The following HMX1 variants were observed in gnomAD, a reference collection of about 807,000 sequenced individuals.
The protein encoded by HMX1 is H6 family homeobox 1, also known as homeobox protein HMX1.
A neutral mutation model predicts 8.9 loss-of-function variants in HMX1; 8 were observed. That is an observed-to-expected ratio of 0.90 (90% CI 0.53 to 1.63). HMX1 has a LOEUF of 1.63. Ranked by LOEUF, HMX1 falls within the 40% of genes most tolerant of loss-of-function variation. The probability of loss-of-function intolerance (pLI) is 0.00; values close to 1 mark genes in which losing one functional copy is unlikely to be tolerated. For synonymous variants in HMX1, 311 were observed against 283.4 expected (o/e 1.10, Z -0.98); for missense variants, 621 against 558.5 (o/e 1.11, Z -1.13).
Position 8,868,163 on chromosome 4 carries a change from G to T in HMX1, c.577C>A (p.Arg193Ser). Residue 193 changes from arginine (R) to serine (S), a missense_variant, in exon 2 of 2, where the codon CGC becomes AGC. Arg to Ser is a moderately radical substitution (Grantham distance 110). Coordinates refer to ENST00000400677, the MANE Select transcript of HMX1 (RefSeq NM_018942.3). This position sits in a 1 kb window ranked among gnomAD's most constrained non-coding sequence, Gnocchi z 4.6. The part of the protein sequence containing the change: ...AEVPAAAGET[R>S]GGVGVGGGRK... Reference sequence around the variant, plus strand: ...CCGCCGCCCACGCCAACGCCGCCGCGTGTCTCCCCAGCCGCCGCAGGGACC... The same window carrying T: ...CCGCCGCCCACGCCAACGCCGCCGCTTGTCTCCCCAGCCGCCGCAGGGACC... 6 of 1,501,872 alleles carry T rather than the reference G, an allele frequency of 4.0e-6. No homozygotes were observed. Among genetic ancestry groups the T allele is most frequent in the East Asian group, 5.4e-5 (2 of 37,128 alleles). 93.0% of individuals were successfully genotyped at this position (1,501,872 alleles called of 1,614,324 possible). A position where few individuals can be genotyped will look rare whatever the true frequency, so the allele number is the denominator to read the frequency against.
At chr4:8,857,344 T>C (rs966777404) in intron 1 of HMX1, among the ~76,000 whole-genome samples, 5 of 152,116 alleles carry the variant, frequency 3.3e-5, no homozygotes, top group South Asian at 2.1e-4. Flanking sequence ...GGCCTTCCCC[T>C]GGAGTGGCAT....
downstream of HMX1, among the ~76,000 whole-genome samples, chr4:8,862,611 A>G (rs780088163): frequency 1.1e-4 from 17 of 152,222 alleles, no homozygotes; most frequent in Non-Finnish European, 2.2e-4. Flanking sequence ...TTTTTTTAAA[A>G]TAACAATACG....
At position 8,871,492 on chromosome 4, in the gene HMX1, G is replaced by A; in HGVS notation, c.123C>T (p.Ser41=). The A allele has an allele frequency of 7.5e-7, 1 of 1,338,698 alleles. No individual in the cohort carries two copies. 82.9% of individuals were successfully genotyped at this position (1,338,698 alleles called of 1,614,324 possible). Reference sequence around the variant, plus strand: ...CGTCGTCCTCCTCCTCGTCCTCCCGGCTGCCGTCGCCCTGGGTCGCGCGCC... The same window carrying A: ...CGTCGTCCTCCTCCTCGTCCTCCCGACTGCCGTCGCCCTGGGTCGCGCGCC... ...GAGRATQGDG[S]REDEEEDDDD... Residue 41 remains serine, a synonymous_variant, in exon 1 of 2, where the codon AGC becomes AGT. Coordinates refer to ENST00000400677, the MANE Select transcript of HMX1 (RefSeq NM_018942.3). The surrounding 1 kb of genome is among the most constrained non-coding windows in gnomAD (Gnocchi z 4.8).
chr4:8,847,454 C>T lies in HMX1; in HGVS notation c.395-1130G>A, dbSNP rs185371350. Among the ~76,000 whole-genome samples the T allele has an allele frequency of 1.0e-3, 156 of 152,252 alleles. 1 individual carries two copies. The highest frequency in any genetic ancestry group is 1.4e-3 in the Non-Finnish European group (98 of 68,028). On this transcript the variant is annotated intron_variant, in intron 1 of 1. Coordinates refer to the HMX1 transcript ENST00000506970. This position sits in a 1 kb window ranked among gnomAD's most constrained non-coding sequence, Gnocchi z 6.0. The stretch of plus-strand genomic sequence containing the variant: ...CATCTGCAAAGAGCTATTTCTGTAA[C>T]GGGATGCCGCCAACAGACGGAAGCC...
chr4:8,871,828 G>C lies in HMX1; in HGVS notation c.-214C>G. On this transcript the variant is annotated 5_prime_UTR_variant, in exon 1 of 2. Transcript: ENST00000400677. This position sits in a 1 kb window ranked among gnomAD's most constrained non-coding sequence, Gnocchi z 4.8. ...CCGACAGCTGATCGGGCAGCCGCCT[G>C]GCTCGCCTTTCAGGTCGCCGTTCTG... The C allele has an allele frequency of 3.9e-6, 2 of 515,296 alleles. No homozygotes were observed. Among genetic ancestry groups the C allele is most frequent in the Non-Finnish European group, 5.0e-6 (2 of 399,750 alleles). The allele number at this position is 515,296 out of a possible 1,614,324, so 31.9% of individuals were successfully genotyped here.
chr4:8,867,058 G>A lies in HMX1; in HGVS notation c.*635C>T. On this transcript the variant is annotated 3_prime_UTR_variant, in exon 2 of 2. Coordinates refer to ENST00000400677, the MANE Select transcript of HMX1 (RefSeq NM_018942.3). ...AAAGCAGTGAAACTGTCCAGAAAATGTCCCTTTTTATTCCATACGCAAATA... is the reference window on the plus strand; with the variant it reads ...AAAGCAGTGAAACTGTCCAGAAAATATCCCTTTTTATTCCATACGCAAATA... 2 of 984,628 alleles carry A rather than the reference G, an allele frequency of 2.0e-6. No individual in the cohort carries two copies. The highest frequency in any genetic ancestry group is 1.2e-6 in the Non-Finnish European group (1 of 829,196). The allele number at this position is 984,628 out of a possible 1,614,324, so 61.0% of individuals were successfully genotyped here.
intron 1 of HMX1, among the ~76,000 whole-genome samples, chr4:8,859,590 T>G (rs957990152): frequency 4.0e-5 from 6 of 151,878 alleles, no homozygotes; most frequent in African/African-American, 1.5e-4. Flanking sequence ...GCTGACACCC[T>G]CCCCCACTCA....
intron 1 of HMX1, among the ~76,000 whole-genome samples, chr4:8,857,631 G>A (rs1199340249): frequency 6.6e-6 from 1 of 152,118 alleles, no homozygotes; most frequent in African/African-American, 2.4e-5. Flanking sequence ...GCCTCTCTGC[G>A]AGCACGCAGG....
chr4:8,860,143 G>A (rs1400815041), intron 1 of HMX1, among the ~76,000 whole-genome samples: 2 of 152,238 alleles, frequency 1.3e-5, no homozygotes. Context: ...GGACACCCCC[G>A]GGTGCGCGCG....
At chr4:8,865,887 C>A (rs1721981465), downstream of HMX1, among the ~76,000 whole-genome samples, 1 of 152,226 alleles carries the variant, frequency 6.6e-6, no homozygotes, top group Non-Finnish European at 1.5e-5. Flanking sequence ...CGGACACAAG[C>A]CTGGGAAGGG....
rs1438633678 is a variant in HMX1 at position 8,870,185 on chromosome 4, A to ACGTCCT, written c.394+1030_394+1035dup. On this transcript the variant is annotated intron_variant, in intron 1 of 1. Coordinates refer to ENST00000400677, the MANE Select transcript of HMX1 (RefSeq NM_018942.3). This position sits in a 1 kb window ranked among gnomAD's most constrained non-coding sequence, Gnocchi z 4.4. ...CAGAGCCGGAGCCTGCAGAGGGCCC[A>ACGTCCT]CGTCCTCAGCTGGCCTCAAGGTCCA... 2.7e-5 allele frequency among the ~76,000 whole-genome samples: 4 copies of ACGTCCT among 150,626 alleles called. No homozygotes were observed. Among genetic ancestry groups the ACGTCCT allele is most frequent in the Non-Finnish European group, 5.9e-5 (4 of 67,734 alleles).
intron 1 of HMX1, among the ~76,000 whole-genome samples, chr4:8,855,617 T>A (rs1040665132): frequency 3.9e-5 from 6 of 152,050 alleles, no homozygotes; most frequent in Non-Finnish European, 7.4e-5. Flanking sequence ...CTTAGCAAGG[T>A]CAAGGATTCA....
At chr4:8,852,574 C>G (rs189874302) in intron 1 of HMX1, among the ~76,000 whole-genome samples, 1 of 152,194 alleles carries the variant, frequency 6.6e-6, no homozygotes, top group African/African-American at 2.4e-5. Flanking sequence ...GGGAACTGGA[C>G]GCATCCCACC....
chr4:8,854,332 T>C (rs887636247), intron 1 of HMX1, among the ~76,000 whole-genome samples: 1 of 152,238 alleles, frequency 6.6e-6, no homozygotes, highest in Non-Finnish European at 1.5e-5. Flanking sequence ...CTGAATGGGA[T>C]GAAGAGCCTG....
downstream of HMX1, among the ~76,000 whole-genome samples, chr4:8,865,905 G>A (rs1374885620): frequency 6.6e-6 from 1 of 152,214 alleles, no homozygotes; most frequent in African/African-American, 2.4e-5. Flanking sequence ...GGGCTGGAGG[G>A]GGCCCAGGCA....
chr4:8,863,606 G>A (rs1042453130), downstream of HMX1, among the ~76,000 whole-genome samples: 1 of 152,034 alleles, frequency 6.6e-6, no homozygotes, highest in African/African-American at 2.4e-5. Context: ...GTTCGGGAGT[G>A]CAAAGGCCAA....
Position 8,868,465 on chromosome 4 carries a change from C to T in HMX1, c.395-120G>A, listed in dbSNP as rs1017487015. On this transcript the variant is annotated intron_variant, in intron 1 of 1. Transcript: ENST00000400677. The surrounding 1 kb of genome is among the most constrained non-coding windows in gnomAD (Gnocchi z 4.6). ...AGCCACAAGCAGGAAGACCTTCCAG[C>T]ACAGGGCTGGGCACCCAGCAGCTCT... 1.4e-5 allele frequency: 11 copies of T among 805,600 alleles called. No individual in the cohort carries two copies. Among genetic ancestry groups the T allele is most frequent in the Non-Finnish European group, 1.7e-5 (10 of 591,918 alleles). 49.9% of individuals were successfully genotyped at this position (805,600 alleles called of 1,614,324 possible).
chr4:8,854,106 C>T (rs534618902), intron 1 of HMX1, among the ~76,000 whole-genome samples: 1 of 152,324 alleles, frequency 6.6e-6, no homozygotes, highest in East Asian at 1.9e-4. Flanking sequence ...TCTTACCCTG[C>T]CTCGAATGGG....
Position 8,851,262 on chromosome 4 carries a change from C to T in HMX1, c.395-4938G>A, listed in dbSNP as rs958409645. ...TCTTCGTGGCAGAACAGAAGGCCTA[C>T]GAATGGCCCCCACTCCCATCCCAGG... On this transcript the variant is annotated intron_variant, in intron 1 of 1. Coordinates refer to the HMX1 transcript ENST00000506970. Among the ~76,000 whole-genome samples, 12 of 152,200 alleles carry T rather than the reference C, an allele frequency of 7.9e-5. No individual in the cohort carries two copies. The South Asian group carries it at 8.3e-4, about 10-fold the overall frequency.
Sources: allele counts gnomAD v4.1 joint callset (sites outside exome capture counted in the v4.1 genomes callset), GRCh38; gene constraint gnomAD v4.1.1; non-coding constraint Gnocchi (gnomAD v3.1); transcripts MANE v1.5; gene names NCBI Gene and HGNC (gene_info 2026-07-23, HGNC 2026-07-21).